EPHB1: variants seen among roughly 807,000 people sequenced by gnomAD.
The protein encoded by EPHB1 is EPH receptor B1.
In EPHB1, 30 loss-of-function variants were observed where a neutral mutation model predicts 94.4. That is an observed-to-expected ratio of 0.32 (90% CI 0.24 to 0.43). The LOEUF is 0.43. EPHB1 is among the 20% of genes least tolerant of loss of function. The pLI is 1.00. For synonymous variants in EPHB1, 522 were observed against 489.1 expected (o/e 1.07, Z -0.89); for missense variants, 1,055 against 1,308.3 (o/e 0.81, Z 2.99).
At chr3:135,197,721 C>T (rs1266419953) in intron 11 of EPHB1, among the ~76,000 whole-genome samples, 2 of 152,188 alleles carry the variant, frequency 1.3e-5, no homozygotes, top group Non-Finnish European at 2.9e-5. Flanking sequence ...GTTTAAATCA[C>T]CTCACCTAGA....
intron 13 of EPHB1, among the ~76,000 whole-genome samples, chr3:135,242,297 C>T (rs977042021): frequency 2.6e-5 from 4 of 152,116 alleles, no homozygotes; most frequent in African/African-American, 9.7e-5. Flanking sequence ...TCCCAACTGA[C>T]AGCTAAAAGA....
intron 3 of EPHB1, among the ~76,000 whole-genome samples, chr3:134,994,455 T>C (rs1055586535): frequency 3.9e-5 from 6 of 152,176 alleles, no homozygotes; most frequent in African/African-American, 1.2e-4. Context: ...AATGTTCTTC[T>C]TCCTCACAGT....
At chr3:135,241,818 T>C (rs1459565121) in intron 13 of EPHB1, among the ~76,000 whole-genome samples, 2 of 152,242 alleles carry the variant, frequency 1.3e-5, no homozygotes, top group Non-Finnish European at 2.9e-5. Context: ...CCTTCTTCCT[T>C]GAGAATTCAC....
At chr3:134,859,745 T>G (rs2108303160) in intron 1 of EPHB1, among the ~76,000 whole-genome samples, 1 of 152,344 alleles carries the variant, frequency 6.6e-6, no homozygotes, top group Non-Finnish European at 1.5e-5. Flanking sequence ...TTTGCCCTTT[T>G]CAGGTTAATG....
intron 1 of EPHB1, among the ~76,000 whole-genome samples, chr3:134,918,018 G>A (rs1043055664): frequency 6.6e-6 from 1 of 152,224 alleles, no homozygotes; most frequent in Admixed American, 6.5e-5. Flanking sequence ...TGGAGCTGGG[G>A]TTTGAACCCA....
At chr3:134,847,569 C>G (rs1001354584) in intron 1 of EPHB1, among the ~76,000 whole-genome samples, 2 of 152,188 alleles carry the variant, frequency 1.3e-5, no homozygotes, top group Admixed American at 1.3e-4. Flanking sequence ...TCCTAATCAG[C>G]CTTGTTTGAA....
intron 3 of EPHB1, among the ~76,000 whole-genome samples, chr3:135,062,089 C>T (rs1402092503): frequency 2.0e-5 from 3 of 152,150 alleles, no homozygotes; most frequent in Non-Finnish European, 4.4e-5. Flanking sequence ...TTTGTCCACT[C>T]GTTGATGGGC....
intron 4 of EPHB1, among the ~76,000 whole-genome samples, chr3:135,127,699 C>T (rs1358804984): frequency 6.6e-6 from 1 of 152,118 alleles, no homozygotes; most frequent in African/African-American, 2.4e-5. Context: ...TAAACTCACC[C>T]GCTCTCTCCC....
intron 1 of EPHB1, among the ~76,000 whole-genome samples, chr3:134,833,729 A>G (rs1287366574): frequency 6.6e-6 from 1 of 152,150 alleles, no homozygotes; most frequent in African/African-American, 2.4e-5. Context: ...CTGAGTCTCC[A>G]GGCATGAGGA....
chr3:135,176,977 G>A (rs1026435913), intron 9 of EPHB1, among the ~76,000 whole-genome samples: 7 of 151,914 alleles, frequency 4.6e-5, no homozygotes, highest in African/African-American at 1.2e-4. Flanking sequence ...CCCACCCTCC[G>A]CTTGCTTCCT....
At chr3:135,202,541 T>C (rs1942785871) in intron 12 of EPHB1, among the ~76,000 whole-genome samples, 1 of 152,242 alleles carries the variant, frequency 6.6e-6, no homozygotes, top group East Asian at 1.9e-4. Flanking sequence ...CCTTTCCTTT[T>C]GTCTCCTTAC....
intron 12 of EPHB1, among the ~76,000 whole-genome samples, chr3:135,214,804 A>T (rs111561451): frequency 6.6e-6 from 1 of 152,294 alleles, no homozygotes; most frequent in South Asian, 2.1e-4. Context: ...GTACTGCCCA[A>T]TTGATCCCTG....
intron 6 of EPHB1, among the ~76,000 whole-genome samples, chr3:135,158,089 A>G (rs1204005695): frequency 4.6e-5 from 7 of 152,218 alleles, no homozygotes; most frequent in African/African-American, 1.7e-4. Context: ...GGCTCCCAAA[A>G]TAAGAGATTG....
intron 13 of EPHB1, among the ~76,000 whole-genome samples, chr3:135,245,000 C>G (rs1943885257): frequency 6.6e-6 from 1 of 152,154 alleles, no homozygotes; most frequent in South Asian, 2.1e-4. Context: ...GTCCCATTTT[C>G]TAAACACAAA....
intron 1 of EPHB1, among the ~76,000 whole-genome samples, chr3:134,846,991 C>T (rs970126888): frequency 1.9e-4 from 29 of 152,098 alleles, no homozygotes; most frequent in African/African-American, 7.0e-4. Context: ...TAGCCCTTAC[C>T]CCTGGGCCTC....
intron 1 of EPHB1, among the ~76,000 whole-genome samples, chr3:134,900,338 A>AT (rs554635304): frequency 2.6e-4 from 39 of 151,844 alleles, no homozygotes; most frequent in Admixed American, 1.1e-3. Flanking sequence ...TTTTATTTTT[A>AT]TTTTTTTTGT....
At chr3:135,050,147 C>T (rs1418580169) in intron 3 of EPHB1, among the ~76,000 whole-genome samples, 3 of 152,190 alleles carry the variant, frequency 2.0e-5, no homozygotes, top group South Asian at 4.1e-4. Context: ...GAGATACATT[C>T]AAGACAGCAT....
chr3:135,105,667 G>A (rs1256146464), intron 3 of EPHB1, among the ~76,000 whole-genome samples: 1 of 152,124 alleles, frequency 6.6e-6, no homozygotes, highest in African/African-American at 2.4e-5. Flanking sequence ...ACATATGAGG[G>A]CCCCTCCAGT....
chr3:134,934,937 C>G (rs142673451), intron 2 of EPHB1, among the ~76,000 whole-genome samples: 183 of 152,314 alleles, frequency 1.2e-3, no homozygotes, highest in African/African-American at 4.2e-3. Flanking sequence ...TGGAGGAATG[C>G]TTAACCCTTG....
Sources: allele counts gnomAD v4.1 joint callset (sites outside exome capture counted in the v4.1 genomes callset), GRCh38; gene constraint gnomAD v4.1.1; transcripts MANE v1.5; gene names NCBI Gene and HGNC (gene_info 2026-07-23, HGNC 2026-07-21).